Variants in ANKS1B observed in about 807,000 individuals in gnomAD.
The protein encoded by ANKS1B is ankyrin repeat and sterile alpha motif domain containing 1B, also known as ankyrin repeat and sterile alpha motif domain-containing protein 1B.
Under a neutral mutation model 148.3 loss-of-function variants are expected in ANKS1B, and 36 were observed. That is an observed-to-expected ratio of 0.24 (90% CI 0.19 to 0.32). The LOEUF (loss-of-function observed/expected upper bound fraction) is 0.32. Ranked by LOEUF, ANKS1B falls within the 10% of genes least tolerant of loss-of-function variation. ANKS1B has a pLI of 1.00. For missense variants in ANKS1B, 1,157 were observed against 1,542.6 expected, an observed-to-expected ratio of 0.75 and a Z score of 4.19; for synonymous variants, 542 against 560.8, an observed-to-expected ratio of 0.97 and a Z score of 0.47.
At chr12:99,654,263 C>T (rs1054847930) in intron 9 of ANKS1B, among the ~76,000 whole-genome samples, 5 of 152,064 alleles carry the variant, frequency 3.3e-5, no homozygotes, top group Admixed American at 6.6e-5. Flanking sequence ...TCGTATTTGT[C>T]GTGACAGAAG....
rs540409815 is a variant in ANKS1B, at chr12:98,849,530, A to G, written c.2779-17394T>C. 3.9e-5 allele frequency among the ~76,000 whole-genome samples: 6 copies of G among 152,338 alleles called. No homozygotes were observed. In the East Asian group the frequency reaches 9.6e-4, roughly 24 times the overall value. ...GTTTTATGAAGCACTTGAATCTTAC[A>G]TAAGTATGGCTTGTTTTTTGTTTCC... On this transcript the variant is annotated intron_variant, in intron 17 of 26. Coordinates refer to ENST00000683438, the MANE Select transcript of ANKS1B (RefSeq NM_001352186.2).
At chr12:98,960,903 C>A (rs2099870241) in intron 17 of ANKS1B, among the ~76,000 whole-genome samples, 1 of 151,796 alleles carries the variant, frequency 6.6e-6, no homozygotes, top group Non-Finnish European at 1.5e-5. Flanking sequence ...CAGAATTGAT[C>A]AAGTAGAAGA....
chr12:99,599,108 A>C (rs1411272073), intron 9 of ANKS1B, among the ~76,000 whole-genome samples: 1 of 152,002 alleles, frequency 6.6e-6, no homozygotes, highest in Non-Finnish European at 1.5e-5. Flanking sequence ...GATACATGTG[A>C]TTGCACTTAG....
chr12:99,847,841 G>C (rs1035336282), intron 1 of ANKS1B, among the ~76,000 whole-genome samples: 5 of 152,098 alleles, frequency 3.3e-5, no homozygotes, highest in African/African-American at 1.2e-4. Flanking sequence ...GCTGCATGAA[G>C]GAATAACCGA....
chr12:99,546,270 C>A (rs1372850885), intron 9 of ANKS1B, among the ~76,000 whole-genome samples: 1 of 152,080 alleles, frequency 6.6e-6, no homozygotes, highest in African/African-American at 2.4e-5. Flanking sequence ...AATCAGTAAG[C>A]ATTCTTGAAC....
chr12:99,667,281 G>T (rs1448638371), intron 8 of ANKS1B, among the ~76,000 whole-genome samples: 1 of 151,568 alleles, frequency 6.6e-6, no homozygotes, highest in Non-Finnish European at 1.5e-5. Context: ...CCCGGGAGGC[G>T]GAGGTTGCAG....
At chr12:99,500,199 A>G (rs2096641985) in intron 10 of ANKS1B, among the ~76,000 whole-genome samples, 1 of 152,174 alleles carries the variant, frequency 6.6e-6, no homozygotes, top group Non-Finnish European at 1.5e-5. Context: ...ACAGCCTTCA[A>G]CAAGCCAGGA....
chr12:98,910,305 A>G (rs763803637), intron 17 of ANKS1B, among the ~76,000 whole-genome samples: 9 of 152,206 alleles, frequency 5.9e-5, no homozygotes, highest in Non-Finnish European at 1.3e-4. Flanking sequence ...TACTGACTGT[A>G]ATGTCATCAC....
chr12:99,210,328 C>T (rs981553830), intron 14 of ANKS1B, among the ~76,000 whole-genome samples: 1 of 152,174 alleles, frequency 6.6e-6, no homozygotes, highest in Non-Finnish European at 1.5e-5. Flanking sequence ...AAACAAGACT[C>T]TGTATCATAA....
intron 22 of ANKS1B, among the ~76,000 whole-genome samples, chr12:98,785,292 A>C (rs913537429): frequency 6.6e-6 from 1 of 152,150 alleles, no homozygotes; most frequent in Non-Finnish European, 1.5e-5. Flanking sequence ...CAACATGGCA[A>C]AACCCCGTCT....
At position 99,803,868 on chromosome 12, in the gene ANKS1B, G is replaced by A. The variant is rs116451588; in HGVS notation, c.669+2536C>T. Reference sequence around the variant, plus strand: ...CTTAAAATCCATATTTTCCTCACCCGTAGATCCACAGCTCTTTGTTTTAGC... The same window carrying A: ...CTTAAAATCCATATTTTCCTCACCCATAGATCCACAGCTCTTTGTTTTAGC... On this transcript the variant is annotated intron_variant, in intron 4 of 26. Coordinates refer to ENST00000683438, the MANE Select transcript of ANKS1B (RefSeq NM_001352186.2). Among the ~76,000 whole-genome samples, 756 of 152,128 alleles carry A rather than the reference G, an allele frequency of 5.0e-3. 6 individuals carry two copies. The highest frequency in any genetic ancestry group is 0.017 in the African/African-American group (704 of 41,504).
At chr12:99,076,178 T>C (rs533752588) in intron 16 of ANKS1B, among the ~76,000 whole-genome samples, 2 of 152,220 alleles carry the variant, frequency 1.3e-5, no homozygotes, top group East Asian at 3.9e-4. Context: ...GAAATGGACT[T>C]CAGCTGTGTT....
chr12:99,236,162 G>A (rs964237892), intron 14 of ANKS1B, among the ~76,000 whole-genome samples: 4 of 152,166 alleles, frequency 2.6e-5, no homozygotes, highest in African/African-American at 9.7e-5. Flanking sequence ...TAATGATGCA[G>A]GTAGTTCATT....
At chr12:98,760,324 G>A (rs2098377362) in intron 25 of ANKS1B, among the ~76,000 whole-genome samples, 1 of 151,954 alleles carries the variant, frequency 6.6e-6, no homozygotes, top group Non-Finnish European at 1.5e-5. Context: ...GAGTGCAGTG[G>A]CACAGTCATG....
At chr12:98,948,467 G>T (rs969642949) in intron 17 of ANKS1B, among the ~76,000 whole-genome samples, 3 of 152,138 alleles carry the variant, frequency 2.0e-5, no homozygotes, top group Non-Finnish European at 4.4e-5. Context: ...TAACTAAGTT[G>T]CTCATGATCA....
intron 17 of ANKS1B, among the ~76,000 whole-genome samples, chr12:98,891,388 C>T (rs1329622966): frequency 6.6e-6 from 1 of 151,592 alleles, no homozygotes; most frequent in Admixed American, 6.6e-5. Context: ...AAAAAAAGAA[C>T]TCAGCTTAAT....
rs796549235 is a variant in ANKS1B at position 99,121,318 on chromosome 12, G to GGGGTGTGTGTGTGTGTGTGTGTGTGT, written c.2526+32970_2526+32971insACACACACACACACACACACACACCC. ...ACTGTTTTAACAGTGTGTGTATGTA[G>GGGGTGTGTGTGTGTGTGTGTGTGTGT]GTATGTGTGTGTGTGTGTGTGTGTG... On this transcript the variant is annotated intron_variant, in intron 15 of 26. Transcript: ENST00000683438. 4.8e-3 allele frequency among the ~76,000 whole-genome samples: 506 copies of GGGGTGTGTGTGTGTGTGTGTGTGTGT among 105,940 alleles called. 13 individuals are homozygous for GGGGTGTGTGTGTGTGTGTGTGTGTGT. Among genetic ancestry groups the GGGGTGTGTGTGTGTGTGTGTGTGTGT allele is most frequent in the East Asian group, 0.018 (72 of 3,904 alleles). 69.5% of individuals were successfully genotyped at this position (105,940 alleles called of 152,430 possible). A position where few individuals can be genotyped will look rare whatever the true frequency, so the allele number is the denominator to read the frequency against.
At chr12:99,649,505 T>C in intron 9 of ANKS1B, 1 of 841,206 alleles carries the variant, frequency 1.2e-6, no homozygotes, top group Non-Finnish European at 1.9e-6. Flanking sequence ...GCAGTAGTGA[T>C]GACAGTAAGC....
chr12:99,735,637 A>T (rs564923239), intron 8 of ANKS1B, among the ~76,000 whole-genome samples: 63 of 152,204 alleles, frequency 4.1e-4, no homozygotes, highest in African/African-American at 1.5e-3. Flanking sequence ...CCCAACAAGG[A>T]AAGGCTTGGA....
Sources: allele counts gnomAD v4.1 joint callset (sites outside exome capture counted in the v4.1 genomes callset), GRCh38; gene constraint gnomAD v4.1.1; transcripts MANE v1.5; gene names NCBI Gene and HGNC (gene_info 2026-07-23, HGNC 2026-07-21).